SETD5: variants seen among roughly 807,000 people sequenced by gnomAD.
SETD5 encodes the protein histone-lysine N-methyltransferase SETD5.
SETD5 carries 44 observed loss-of-function variants against 153.3 expected under a neutral mutation model. The observed-to-expected ratio is 0.29, with a 90% CI of 0.23 to 0.37. The LOEUF is 0.37. Ranked by LOEUF, SETD5 falls within the 10% of genes least tolerant of loss-of-function variation. The probability of loss-of-function intolerance (pLI) is 1.00; values close to 1 mark genes in which losing one functional copy is unlikely to be tolerated. For synonymous variants in SETD5, 716 were observed against 645.2 expected (o/e 1.11, Z -1.66); for missense variants, 1,544 against 1,768.0 (o/e 0.87, Z 2.27).
intron 20 of SETD5, among the ~76,000 whole-genome samples, chr3:9,473,836 C>T (rs1331292814): frequency 6.6e-6 from 1 of 152,208 alleles, no homozygotes; most frequent in African/African-American, 2.4e-5. Flanking sequence ...TCCTATTTCT[C>T]ATTTCACATG....
chr3:9,445,293 A>G lies in SETD5; in HGVS notation c.1433A>G (p.Asp478Gly), dbSNP rs2041800395. ...EVPEKVTVSS[D>G]HEEVDNPEEK... Reference sequence around the variant, plus strand: ...CCAGAAAAAGTAACTGTATCCAGTGATCATGAGGTAATCGCCCCTGGTCAA... The same window carrying G: ...CCAGAAAAAGTAACTGTATCCAGTGGTCATGAGGTAATCGCCCCTGGTCAA... Residue 478 changes from aspartate (D) to glycine (G), a missense_variant, in exon 12 of 23, where the codon GAT (aspartate) becomes GGT (glycine). Coordinates refer to ENST00000402198, the MANE Select transcript of SETD5 (RefSeq NM_001080517.3). 1 of 1,603,338 alleles carries G rather than the reference A, an allele frequency of 6.2e-7. No homozygotes were observed. Among genetic ancestry groups the G allele is most frequent in the Admixed American group, 1.7e-5 (1 of 58,156 alleles).
chr3:9,417,783 C>T (rs1361510705), intron 1 of SETD5, among the ~76,000 whole-genome samples: 1 of 151,140 alleles, frequency 6.6e-6, no homozygotes. Context: ...CTGCGCCTGG[C>T]CAAGTCTTTT....
At chr3:9,418,799 G>A (rs2037934631) in intron 1 of SETD5, among the ~76,000 whole-genome samples, 2 of 141,978 alleles carry the variant, frequency 1.4e-5, no homozygotes, top group African/African-American at 2.5e-5. Flanking sequence ...GCGAAACTCC[G>A]TCTCAAAAAA....
intron 1 of SETD5, among the ~76,000 whole-genome samples, chr3:9,407,300 C>G (rs1278055419): frequency 1.3e-5 from 2 of 152,108 alleles, no homozygotes; most frequent in African/African-American, 2.4e-5. Context: ...TGCATTCCAG[C>G]CTGGGAGACA....
intron 18 of SETD5, among the ~76,000 whole-genome samples, chr3:9,467,413 T>A (rs1431884101): frequency 1.3e-5 from 2 of 151,968 alleles, no homozygotes; most frequent in African/African-American, 4.8e-5. Context: ...ACAAGCTTAG[T>A]TAGCCTCTCC....
In SETD5 at chr3:9,445,044, G is replaced by A; in HGVS notation, c.1188-4G>A. 2.5e-6 allele frequency: 4 copies of A among 1,611,758 alleles called. No individual in the cohort carries two copies. The highest frequency in any genetic ancestry group is 3.4e-6 in the Non-Finnish European group (4 of 1,178,682). On this transcript the variant is annotated splice_polypyrimidine_tract_variant and splice_region_variant and intron_variant, in intron 11 of 22. Coordinates refer to ENST00000402198, the MANE Select transcript of SETD5 (RefSeq NM_001080517.3). ...CAGGCATTTTGGTTGTTTCTTTGGA[G>A]CAGTAATTATAAAGTGGACTGTGCC...
intron 1 of SETD5, among the ~76,000 whole-genome samples, chr3:9,405,148 C>T (rs2035455207): frequency 6.6e-6 from 1 of 152,136 alleles, no homozygotes; most frequent in Non-Finnish European, 1.5e-5. Flanking sequence ...TACTTTCTTT[C>T]TTGATAAACC....
At chr3:9,443,255 A>G (rs767475707) in intron 10 of SETD5, 53 bp from the exon 11 acceptor site, 56 of 1,297,474 alleles carry the variant, frequency 4.3e-5, no homozygotes, top group African/African-American at 1.5e-5. Context: ...TTTCTCTCTT[A>G]CGGAAAGTTC....
intron 16 of SETD5, among the ~76,000 whole-genome samples, chr3:9,451,326 C>T (rs2042603082): frequency 6.6e-6 from 1 of 152,208 alleles, no homozygotes; most frequent in African/African-American, 2.4e-5. Flanking sequence ...CATTATCTCA[C>T]TTACCATGCA....
chr3:9,433,664 A>C, intron 3 of SETD5, 181 bp from the exon 4 acceptor site: 1 of 862,338 alleles, frequency 1.2e-6, no homozygotes, highest in Non-Finnish European at 1.7e-6. Flanking sequence ...CACATTTAAT[A>C]ACACTCCTAC....
intron 17 of SETD5, among the ~76,000 whole-genome samples, chr3:9,460,800 T>C (rs1390916646): frequency 6.6e-6 from 1 of 152,188 alleles, no homozygotes; most frequent in African/African-American, 2.4e-5. Flanking sequence ...TCTTTTTTCC[T>C]TTTTTGTAAT....
intron 17 of SETD5, among the ~76,000 whole-genome samples, chr3:9,461,931 G>A (rs1056762023): frequency 2.6e-5 from 4 of 152,070 alleles, no homozygotes; most frequent in Admixed American, 1.3e-4. Flanking sequence ...TTATACCTAG[G>A]CACTTTTTAA....
chr3:9,435,999 T>A, intron 7 of SETD5, 93 bp downstream of exon 7: 5 of 1,293,956 alleles, frequency 3.9e-6, no homozygotes, highest in Non-Finnish European at 5.3e-6. Context: ...AGAAGTTTGA[T>A]CCAGGTGTTT....
chr3:9,440,805 G>A, intron 8 of SETD5, 107 bp downstream of exon 8: 1 of 1,369,592 alleles, frequency 7.3e-7, no homozygotes, highest in Non-Finnish European at 9.7e-7. Context: ...CAAGGCCATG[G>A]AATAACAGAT....
chr3:9,443,523 C>CT (rs2041557237), intron 11 of SETD5, 106 bp downstream of exon 11: 1 of 617,192 alleles, frequency 1.6e-6, no homozygotes, highest in Non-Finnish European at 2.4e-6. Context: ...CCTTTGTTTA[C>CT]TTAATCTTTT....
chr3:9,453,695 T>C, intron 16 of SETD5, 44 bp from the exon 17 acceptor site: 2 of 1,540,936 alleles, frequency 1.3e-6, no homozygotes, highest in Non-Finnish European at 1.7e-6. Context: ...CACTAAATAG[T>C]TTTAGATAAT....
chr3:9,475,998 G>T lies in SETD5; in HGVS notation c.4236G>T (p.Gln1412His). 6.2e-7 allele frequency: 1 copy of T among 1,614,012 alleles called. No individual in the cohort carries two copies. The highest frequency in any genetic ancestry group is 8.5e-7 in the Non-Finnish European group (1 of 1,179,904). Residue 1412 changes from glutamine to histidine, a missense_variant, in exon 23 of 23, where the codon CAG (glutamine) becomes CAT (histidine). By Grantham distance (24) the Gln-to-His change is conservative. Around this residue, in one of 9 missense-constraint regions of SETD5, gnomAD observed 302 missense variants for 277.6 expected, o/e 1.09. Coordinates refer to ENST00000402198, the MANE Select transcript of SETD5 (RefSeq NM_001080517.3). ...ASRVSAVSNSQHYPHRGSGGV... is the reference protein window; with the variant it reads ...ASRVSAVSNSHHYPHRGSGGV... ...GGGTATCTGCGGTTTCCAATTCACA[G>T]CACTACCCACACCGTGGGAGTGGGG... is the stretch of plus-strand genomic sequence containing the variant.
chr3:9,467,120 G>A (rs73130123), intron 18 of SETD5, among the ~76,000 whole-genome samples: 4,159 of 148,516 alleles, frequency 0.028, 187 homozygotes, highest in African/African-American at 0.098. Flanking sequence ...AATTGCTTGA[G>A]CCTGGGAGGT....
intron 3 of SETD5, chr3:9,433,435 A>G (rs1285631212): frequency 7.8e-7 from 1 of 1,289,820 alleles, no homozygotes; most frequent in Non-Finnish European, 1.0e-6. Context: ...AGGCACTTTG[A>G]TCATCTCACT....
Sources: allele counts gnomAD v4.1 joint callset (sites outside exome capture counted in the v4.1 genomes callset), GRCh38; gene constraint gnomAD v4.1.1; regional missense constraint gnomAD v4.1.1; transcripts MANE v1.5; gene names NCBI Gene and HGNC (gene_info 2026-07-23, HGNC 2026-07-21).